Variants in FRMD5 observed in about 807,000 individuals in gnomAD.
FRMD5 encodes the protein FERM domain-containing protein 5.
Under a neutral mutation model 69.0 loss-of-function variants are expected in FRMD5, and 20 were observed. The observed-to-expected ratio is 0.29, with a 90% CI of 0.20 to 0.42. FRMD5 has a LOEUF of 0.42. FRMD5 is among the 10% of genes least tolerant of loss of function. The pLI, the probability that FRMD5 is intolerant of heterozygous loss-of-function variation, is 1.00. For synonymous variants in FRMD5, 271 were observed against 260.1 expected, an observed-to-expected ratio of 1.04 and a Z score of -0.40; for missense variants, 595 against 708.6, an observed-to-expected ratio of 0.84 and a Z score of 1.82.
At chr15:44,182,393 G>A (rs1383916909) in intron 1 of FRMD5, among the ~76,000 whole-genome samples, 3 of 143,982 alleles carry the variant, frequency 2.1e-5, no homozygotes, top group Non-Finnish European at 4.5e-5. Flanking sequence ...GCAGTGGTGC[G>A]GTCTCGGCTC....
intron 1 of FRMD5, among the ~76,000 whole-genome samples, chr15:44,183,894 A>C (rs1443732663): frequency 6.6e-6 from 1 of 151,950 alleles, no homozygotes; most frequent in Non-Finnish European, 1.5e-5. Flanking sequence ...AGGCAGGAGA[A>C]TCACTTGAAC....
chr15:43,908,359 G>C (rs1595506203), intron 5 of FRMD5, among the ~76,000 whole-genome samples: 5 of 151,364 alleles, frequency 3.3e-5, no homozygotes, highest in African/African-American at 1.2e-4. Context: ...ATTCAAAGGG[G>C]CATCTTTGGG....
intron 1 of FRMD5, among the ~76,000 whole-genome samples, chr15:43,943,989 T>C (rs929750436): frequency 2.7e-5 from 4 of 150,622 alleles, no homozygotes; most frequent in African/African-American, 1.0e-4. Flanking sequence ...AAGCAGACTT[T>C]GTTATTTTGC....
intron 1 of FRMD5, among the ~76,000 whole-genome samples, chr15:44,007,573 C>A (rs1890507357): frequency 6.6e-6 from 1 of 151,308 alleles, no homozygotes; most frequent in Admixed American, 6.6e-5. Flanking sequence ...ATCTACAAGG[C>A]CAGATATTTT....
intron 1 of FRMD5, among the ~76,000 whole-genome samples, chr15:43,936,929 T>C (rs1271403728): frequency 2.6e-5 from 4 of 151,922 alleles, no homozygotes; most frequent in African/African-American, 9.7e-5. Flanking sequence ...GTCCTTGCCA[T>C]TGGAAAGGGA....
intron 7 of FRMD5, among the ~76,000 whole-genome samples, chr15:43,897,258 C>G (rs182568738): frequency 1.3e-5 from 2 of 151,776 alleles, no homozygotes; most frequent in Non-Finnish European, 2.9e-5. Flanking sequence ...GAGGCCGAGG[C>G]GGGCAGATCA....
At chr15:43,882,002 G>C (rs2088541792) in intron 13 of FRMD5, among the ~76,000 whole-genome samples, 1 of 152,202 alleles carries the variant, frequency 6.6e-6, no homozygotes. Flanking sequence ...TCCCAGGAGA[G>C]AGACAGGTAT....
intron 1 of FRMD5, among the ~76,000 whole-genome samples, chr15:44,083,752 A>G (rs1195570910): frequency 6.6e-6 from 1 of 152,104 alleles, no homozygotes; most frequent in Non-Finnish European, 1.5e-5. Flanking sequence ...TTCAAAAACA[A>G]TGATAAAAGC....
At chr15:43,879,675 G>C (rs2088469276) in intron 13 of FRMD5, 2 of 399,100 alleles carry the variant, frequency 5.0e-6, no homozygotes, top group Non-Finnish European at 4.4e-6. Context: ...CCCCATGGTG[G>C]CCCAGGAAGG....
chr15:43,902,117 G>T, intron 7 of FRMD5, 58 bp downstream of exon 7: 1 of 1,286,090 alleles, frequency 7.8e-7, no homozygotes, highest in Non-Finnish European at 1.1e-6. Context: ...GGGGGCTCTT[G>T]CTCCTGATGC....
intron 5 of FRMD5, among the ~76,000 whole-genome samples, chr15:43,908,352 CAAA>C (rs2089220932): frequency 1.4e-5 from 2 of 142,904 alleles, no homozygotes; most frequent in Non-Finnish European, 3.1e-5. Context: ...AAAAAAAATT[CAAA>C]GGGGCATCTT....
intron 1 of FRMD5, among the ~76,000 whole-genome samples, chr15:43,941,886 A>G (rs1198154561): frequency 1.3e-5 from 2 of 152,222 alleles, no homozygotes; most frequent in Admixed American, 1.3e-4. Context: ...GTCCATCAGC[A>G]GGAGCCTTTG....
chr15:44,101,572 C>T (rs2076640885), intron 1 of FRMD5: 1 of 152,580 alleles, frequency 6.6e-6, no homozygotes, highest in Non-Finnish European at 1.5e-5. Context: ...GCTGGTAAGC[C>T]TGCTTCTTTT....
At chr15:44,053,341 T>C (rs142091653) in intron 1 of FRMD5, among the ~76,000 whole-genome samples, 1 of 152,148 alleles carries the variant, frequency 6.6e-6, no homozygotes, top group Non-Finnish European at 1.5e-5. Context: ...GTAAAGTTCA[T>C]TAGAGTTTTA....
At chr15:44,058,844 A>G (rs1892979238) in intron 1 of FRMD5, among the ~76,000 whole-genome samples, 1 of 152,084 alleles carries the variant, frequency 6.6e-6, no homozygotes, top group African/African-American at 2.4e-5. Context: ...TGGGGAATGA[A>G]CTGGCTCAGA....
intron 1 of FRMD5, among the ~76,000 whole-genome samples, chr15:43,994,692 A>G (rs1889840221): frequency 6.6e-6 from 1 of 152,242 alleles, no homozygotes; most frequent in African/African-American, 2.4e-5. Context: ...TCAGCCTTCC[A>G]AAGTGCTAGG....
At chr15:43,967,390 G>A (rs953182282) in intron 1 of FRMD5, among the ~76,000 whole-genome samples, 11 of 151,776 alleles carry the variant, frequency 7.2e-5, no homozygotes, top group Admixed American at 3.9e-4. Flanking sequence ...GTGCCACCAC[G>A]CCTGGCTAAT....
intron 10 of FRMD5, 68 bp downstream of exon 10, chr15:43,888,107 C>A: frequency 7.9e-7 from 1 of 1,269,688 alleles, no homozygotes; most frequent in Non-Finnish European, 1.1e-6. Context: ...GGCACTTGGC[C>A]TCCTGTCACC....
chr15:44,096,657 C>G (rs914554369), intron 1 of FRMD5, among the ~76,000 whole-genome samples: 1 of 152,122 alleles, frequency 6.6e-6, no homozygotes, highest in African/African-American at 2.4e-5. Flanking sequence ...CCCGCCTCAG[C>G]TTCCCAAAGT....
Sources: gnomAD v4.1 joint callset for allele counts (sites outside exome capture counted in the v4.1 genomes callset) on GRCh38, gnomAD v4.1.1 for gene constraint, MANE v1.5 for transcripts, NCBI Gene and HGNC (gene_info 2026-07-23, HGNC 2026-07-21) for gene names.